NAV1: variants seen among roughly 807,000 people sequenced by gnomAD.
NAV1 encodes neuron navigator 1.
NAV1 carries 18 observed loss-of-function variants against 175.2 expected under a neutral mutation model. That is an observed-to-expected ratio of 0.10 (90% CI 0.07 to 0.15). The LOEUF (loss-of-function observed/expected upper bound fraction) is 0.15. Ranked by LOEUF, NAV1 falls within the 10% of genes least tolerant of loss-of-function variation. NAV1 has a pLI of 1.00. For missense variants in NAV1, 1,731 were observed against 2,436.6 expected, an observed-to-expected ratio of 0.71 and a Z score of 6.10; for synonymous variants, 897 against 978.7, an observed-to-expected ratio of 0.92 and a Z score of 1.56.
intron 2 of NAV1, among the ~76,000 whole-genome samples, chr1:201,638,965 G>A (rs1199194037): frequency 1.3e-5 from 2 of 152,350 alleles, no homozygotes; most frequent in Admixed American, 6.5e-5. Flanking sequence ...TAGGCAGAAT[G>A]TGGGTACCCA....
At chr1:201,645,209 T>G (rs1668935732), upstream of NAV1, among the ~76,000 whole-genome samples, 1 of 152,010 alleles carries the variant, frequency 6.6e-6, no homozygotes, top group South Asian at 2.1e-4. Flanking sequence ...CACCATGGAA[T>G]ACTATGCAGC....
chr1:201,708,615 G>T (rs1671771132), intron 1 of NAV1, among the ~76,000 whole-genome samples: 1 of 152,196 alleles, frequency 6.6e-6, no homozygotes, highest in Non-Finnish European at 1.5e-5. Context: ...CTGGCTAGAG[G>T]TGGGTTGGAC....
chr1:201,648,801 A>C lies in NAV1; in HGVS notation c.133A>C (p.Lys45Gln), dbSNP rs770510931. 1,425 of 1,547,732 alleles carry C rather than the reference A, an allele frequency of 9.2e-4. 4 individuals are homozygous for C. The highest frequency in any genetic ancestry group is 1.7e-3 in the Middle Eastern group (10 of 5,792). ...GGCGGACGGCAGAGGCATGCTGCCC[A>C]AGCGCGCCAAGGCGCCCGGCGGCGG... Residue 45 changes from lysine (K) to glutamine (Q), a missense_variant, in exon 1 of 30, where the codon AAG (lysine) becomes CAG (glutamine). Around this residue, in one of 13 missense-constraint regions of NAV1, gnomAD observed 487 missense variants for 581.3 expected, o/e 0.84. Transcript: ENST00000367296.
chr1:201,589,089 C>G (rs1396139546), intron 2 of NAV1, among the ~76,000 whole-genome samples: 2 of 152,160 alleles, frequency 1.3e-5, no homozygotes, highest in Admixed American at 1.3e-4. Context: ...CTCAGGTGAT[C>G]CACCCACCTT....
intron 1 of NAV1, among the ~76,000 whole-genome samples, chr1:201,701,266 G>T (rs1298176817): frequency 1.3e-5 from 2 of 151,006 alleles, no homozygotes; most frequent in Non-Finnish European, 2.9e-5. Flanking sequence ...CTGTTGTGGG[G>T]GTGGGGAGCT....
chr1:201,781,333 A>T (rs768048893), intron 5 of NAV1, 24 bp downstream of exon 9: 1 of 1,576,086 alleles, frequency 6.3e-7, no homozygotes. Context: ...AAAGGAAGGT[A>T]CAAGGGCAAA....
Position 201,811,981 on chromosome 1 carries a change from C to T in NAV1, c.5024+7C>T, listed in dbSNP as rs1024463110. The stretch of plus-strand genomic sequence containing the variant: ...GCTTGCACTTGAGCTTCAGGTAAGA[C>T]CTCTAGCTCTGGATGAACCTTCTGA... On this transcript the variant is annotated splice_region_variant and intron_variant, in intron 26 of 29. Transcript: ENST00000367296. 6.2e-7 allele frequency: 1 copy of T among 1,613,766 alleles called. No individual in the cohort carries two copies. Among genetic ancestry groups the T allele is most frequent in the South Asian group, 1.1e-5 (1 of 91,070 alleles).
Position 201,607,870 on chromosome 1 carries a change from T to TTGTGTGTGTGTG in NAV1, c.-32-14949_-32-14938dup, listed in dbSNP as rs57110688. ...AATATATAGTATAATGATAACTTTA[T>TTGTGTGTGTGTG]TGTGTGTGTGTGTGTGTGTGTGTGT... On this transcript the variant is annotated intron_variant, in intron 2 of 33. Transcript: ENST00000685211. Among the ~76,000 whole-genome samples, 385 of 138,272 alleles carry TTGTGTGTGTGTG rather than the reference T, an allele frequency of 2.8e-3. 2 individuals are homozygous for TTGTGTGTGTGTG. Among genetic ancestry groups the TTGTGTGTGTGTG allele is most frequent in the East Asian group, 8.0e-3 (38 of 4,746 alleles). 90.7% of individuals were successfully genotyped at this position (138,272 alleles called of 152,430 possible). A position where few individuals can be genotyped will look rare whatever the true frequency, so the allele number is the denominator to read the frequency against.
At chr1:201,779,180 T>C (rs1011877072) in intron 3 of NAV1, among the ~76,000 whole-genome samples, 1 of 152,076 alleles carries the variant, frequency 6.6e-6, no homozygotes, top group South Asian at 2.1e-4. Context: ...ACAATGCATG[T>C]GATCGAAAAG....
chr1:201,819,332 ATTG>A (rs1679250305), intron 29 of NAV1, among the ~76,000 whole-genome samples: 1 of 152,140 alleles, frequency 6.6e-6, no homozygotes, highest in Admixed American at 6.5e-5. Context: ...CTCCCAAGTA[ATTG>A]TTGTACATAC....
At chr1:201,562,488 C>A (rs1219536810) in intron 1 of NAV1, among the ~76,000 whole-genome samples, 1 of 152,216 alleles carries the variant, frequency 6.6e-6, no homozygotes, top group Non-Finnish European at 1.5e-5. Flanking sequence ...TCCATCACAG[C>A]AACCCCTCAG....
At chr1:201,772,158 C>T (rs1374965106) in intron 3 of NAV1, among the ~76,000 whole-genome samples, 1 of 152,156 alleles carries the variant, frequency 6.6e-6, no homozygotes, top group African/African-American at 2.4e-5. Context: ...TATTTCAAGG[C>T]AGACCACTCT....
At chr1:201,645,786 T>C (rs1032939060), upstream of NAV1, among the ~76,000 whole-genome samples, 3 of 152,312 alleles carry the variant, frequency 2.0e-5, no homozygotes, top group African/African-American at 7.2e-5. Flanking sequence ...AAAGAGGATA[T>C]AGAGACAGCA....
At chr1:201,615,937 G>A (rs1213570402) in intron 2 of NAV1, among the ~76,000 whole-genome samples, 1 of 152,136 alleles carries the variant, frequency 6.6e-6, no homozygotes, top group Non-Finnish European at 1.5e-5. Context: ...TCTGCTGGAA[G>A]CTCAGGAGAA....
chr1:201,621,479 G>A (rs186443870), upstream of NAV1, among the ~76,000 whole-genome samples: 1,715 of 151,614 alleles, frequency 0.011, 25 homozygotes, highest in African/African-American at 0.04. Flanking sequence ...GATTACAGGC[G>A]TGCCACCACG....
chr1:201,610,013 C>A (rs1667800892), intron 2 of NAV1, among the ~76,000 whole-genome samples: 1 of 152,104 alleles, frequency 6.6e-6, no homozygotes, highest in Admixed American at 6.6e-5. Flanking sequence ...GTGTTTGGAA[C>A]TGAGGCCTAT....
intron 1 of NAV1, among the ~76,000 whole-genome samples, chr1:201,558,696 C>T (rs1386175449): frequency 2.0e-5 from 3 of 152,112 alleles, no homozygotes; most frequent in Admixed American, 1.3e-4. Context: ...GTGATCCACC[C>T]GCCTCGGCCT....
At chr1:201,735,350 C>T (rs906034423) in intron 3 of NAV1, among the ~76,000 whole-genome samples, 1 of 152,254 alleles carries the variant, frequency 6.6e-6, no homozygotes, top group Non-Finnish European at 1.5e-5. Flanking sequence ...ACTAGATGCT[C>T]TCTAAAGTCC....
upstream of NAV1, among the ~76,000 whole-genome samples, chr1:201,622,652 T>G (rs1041991794): frequency 2.0e-5 from 3 of 152,080 alleles, no homozygotes; most frequent in East Asian, 5.8e-4. Context: ...TCATAACAGC[T>G]TTTCAGAGCA....
Sources: gnomAD v4.1 joint callset for allele counts (sites outside exome capture counted in the v4.1 genomes callset) on GRCh38, gnomAD v4.1.1 for gene constraint, gnomAD v4.1.1 regional missense constraint, MANE v1.5 for transcripts, NCBI Gene and HGNC (gene_info 2026-07-23, HGNC 2026-07-21) for gene names.